Variants in MYO10 observed in about 807,000 individuals in gnomAD.
The protein encoded by MYO10 is unconventional myosin-X.
A neutral mutation model predicts 257.3 loss-of-function variants in MYO10; 133 were observed. The ratio of observed to expected loss-of-function variants is 0.52; its 90% confidence interval spans 0.45 to 0.60. The LOEUF is 0.60. MYO10 is among the 20% of genes least tolerant of loss of function. MYO10 has a pLI of 0.00. For synonymous variants in MYO10, 1,104 were observed against 1,028.6 expected, an observed-to-expected ratio of 1.07 and a Z score of -1.40; for missense variants, 2,399 against 2,635.7, an observed-to-expected ratio of 0.91 and a Z score of 1.97.
At chr5:16,672,942 T>G (rs1220110541) in intron 36 of MYO10, 117 bp from the exon 37 acceptor site, 1 of 1,207,944 alleles carries the variant, frequency 8.3e-7, no homozygotes, top group East Asian at 2.6e-5. Context: ...GTCTCCAGCC[T>G]CCTAAAAATG....
intron 4 of MYO10, among the ~76,000 whole-genome samples, chr5:16,791,545 T>TACACACACACACACATAC (rs1553996575): frequency 8.4e-5 from 3 of 35,604 alleles, no homozygotes; most frequent in Admixed American, 8.0e-4. Context: ...AATACATACA[T>TACACACACACACACATAC]ACACACACAC....
chr5:16,818,362 ATGTGTGTGTGTGTGTG>A (rs35397872), intron 2 of MYO10, among the ~76,000 whole-genome samples, 195 bp from the exon 3 acceptor site: 6 of 136,750 alleles, frequency 4.4e-5, no homozygotes, highest in Non-Finnish European at 9.2e-5. Context: ...GTGTGTATGT[ATGTGTGTGTGTGTGTG>A]TGCGTGTGTG....
intron 2 of MYO10, among the ~76,000 whole-genome samples, chr5:16,825,902 T>C (rs1046952808): frequency 6.6e-6 from 1 of 152,038 alleles, no homozygotes; most frequent in African/African-American, 2.4e-5. Context: ...TCCAGCACTT[T>C]CGGAAGCCAA....
chr5:16,710,065 A>G (rs1287517917), intron 21 of MYO10, among the ~76,000 whole-genome samples: 3 of 152,192 alleles, frequency 2.0e-5, no homozygotes, highest in Admixed American at 6.5e-5. Flanking sequence ...TAGATTAAAA[A>G]CAGCATATTA....
rs190526402 is a variant in MYO10, at chr5:16,745,296, C to G, written c.1929+9532G>C. The stretch of plus-strand genomic sequence containing the variant: ...GGTGGAGGTTGCAGTGAGCCAAGAT[C>G]GTGCCACTGCACTCCAGCCTGGACC... On this transcript the variant is annotated intron_variant, in intron 19 of 40. Transcript: ENST00000513610. 1.3e-3 allele frequency among the ~76,000 whole-genome samples: 202 copies of G among 152,232 alleles called. 2 individuals are homozygous for G. The highest frequency in any genetic ancestry group is 5.6e-3 in the Admixed American group (86 of 15,292).
chr5:16,934,599 G>A (rs757715536), intron 1 of MYO10, among the ~76,000 whole-genome samples: 16 of 152,126 alleles, frequency 1.1e-4, no homozygotes, highest in Non-Finnish European at 1.8e-4. Flanking sequence ...TTAAGAAAAG[G>A]AAAAATATGT....
intron 30 of MYO10, among the ~76,000 whole-genome samples, chr5:16,682,528 G>C (rs976408983): frequency 6.6e-6 from 1 of 152,212 alleles, no homozygotes; most frequent in East Asian, 1.9e-4. Flanking sequence ...GCATTTCCTA[G>C]TCACGGATAA....
Position 16,927,719 on chromosome 5 carries a change from T to C in MYO10, c.21+8069A>G, listed in dbSNP as rs139765697. On this transcript the variant is annotated intron_variant, in intron 1 of 40. Coordinates refer to ENST00000513610, the MANE Select transcript of MYO10 (RefSeq NM_012334.3). The stretch of plus-strand genomic sequence containing the variant: ...GACTGGGTGAAGGTAGAGCTATTAG[T>C]TGGACAATTCCCATATGTTTCTCCC... Among the ~76,000 whole-genome samples the C allele has an allele frequency of 6.1e-3, 933 of 152,304 alleles. 9 individuals are homozygous for C. The highest frequency in any genetic ancestry group is 0.027 in the Middle Eastern group (8 of 294).
intron 2 of MYO10, among the ~76,000 whole-genome samples, chr5:16,869,647 C>T (rs1744393763): frequency 6.6e-6 from 1 of 151,624 alleles, no homozygotes; most frequent in African/African-American, 2.4e-5. Context: ...GGTGGATCAC[C>T]TGAGGTCAGG....
chr5:16,713,483 C>T (rs1017193536), intron 19 of MYO10: 40 of 985,646 alleles, frequency 4.1e-5, no homozygotes, highest in Non-Finnish European at 4.8e-5. Context: ...AGTGCCCGGT[C>T]GCCATGACAA....
intron 38 of MYO10, among the ~76,000 whole-genome samples, 194 bp downstream of exon 38, chr5:16,671,228 G>A (rs1736444398): frequency 6.6e-6 from 1 of 152,130 alleles, no homozygotes; most frequent in African/African-American, 2.4e-5. Context: ...AACAGTCCCT[G>A]GAACGGAGGT....
chr5:16,863,222 C>G (rs1486039255), intron 2 of MYO10, among the ~76,000 whole-genome samples: 2 of 152,232 alleles, frequency 1.3e-5, no homozygotes, highest in African/African-American at 2.4e-5. Context: ...CATGTGCATT[C>G]GGCTAGAACC....
At position 16,665,517 on chromosome 5, in the gene MYO10, C is replaced by T. The variant is rs1736123592; in HGVS notation, c.*1175G>A. 1 of 152,168 alleles carries T rather than the reference C, an allele frequency of 6.6e-6. No homozygotes were observed. The highest frequency in any genetic ancestry group is 2.1e-4 in the South Asian group (1 of 4,826). The allele number at this position is 152,168 out of a possible 1,614,324, so 9.4% of individuals were successfully genotyped here. A position where few individuals can be genotyped will look rare whatever the true frequency, so the allele number is the denominator to read the frequency against. On this transcript the variant is annotated 3_prime_UTR_variant, in exon 41 of 41. Coordinates refer to ENST00000513610, the MANE Select transcript of MYO10 (RefSeq NM_012334.3). ...TTTATTTACAGGTGCCTTGTTCAGA[C>T]CACCATTATAAACTTGGGATAAAAT...
At chr5:16,832,511 A>G (rs1454308585) in intron 2 of MYO10, among the ~76,000 whole-genome samples, 1 of 152,204 alleles carries the variant, frequency 6.6e-6, no homozygotes, top group African/African-American at 2.4e-5. Context: ...GGTTTTAAAC[A>G]TAGTAAGTTT....
intron 1 of MYO10, among the ~76,000 whole-genome samples, chr5:16,902,035 CTTTTA>C (rs1745392379): frequency 6.6e-6 from 1 of 152,084 alleles, no homozygotes; most frequent in African/African-American, 2.4e-5. Flanking sequence ...ATGTTCTTAC[CTTTTA>C]TTTTCTTTAT....
At position 16,810,855 on chromosome 5, in the gene MYO10, G is replaced by A. The variant is rs1300996025; in HGVS notation, c.279+7154C>T. Among the ~76,000 whole-genome samples the A allele has an allele frequency of 2.0e-5, 3 of 152,114 alleles. No homozygotes were observed. In the East Asian group the frequency reaches 5.8e-4, roughly 30 times the overall value. ...AGAGGCCAAGGCGGGTGGATCTCCCGAGGTCAGTTCGAGACCAGCCTGGCC... is the reference window on the plus strand; with the variant it reads ...AGAGGCCAAGGCGGGTGGATCTCCCAAGGTCAGTTCGAGACCAGCCTGGCC... On this transcript the variant is annotated intron_variant, in intron 3 of 40. Transcript: ENST00000513610.
chr5:16,901,243 A>G (rs1463023939), intron 1 of MYO10, among the ~76,000 whole-genome samples: 4 of 151,614 alleles, frequency 2.6e-5, no homozygotes, highest in Non-Finnish European at 4.4e-5. Context: ...ATTCACATAC[A>G]TTACCTCCTC....
chr5:16,791,752 T>C (rs150433055), intron 4 of MYO10, among the ~76,000 whole-genome samples: 78 of 152,344 alleles, frequency 5.1e-4, no homozygotes, highest in Middle Eastern at 3.4e-3. Context: ...ATTGTTTTCT[T>C]CCCTTCTGTT....
intron 9 of MYO10, among the ~76,000 whole-genome samples, chr5:16,778,038 G>A (rs1741275478): frequency 6.6e-6 from 1 of 151,670 alleles, no homozygotes; most frequent in Non-Finnish European, 1.5e-5. Flanking sequence ...TTTTAGCAGT[G>A]ACGGGGTTTC....
Sources: allele counts gnomAD v4.1 joint callset (sites outside exome capture counted in the v4.1 genomes callset), GRCh38; gene constraint gnomAD v4.1.1; transcripts MANE v1.5; gene names NCBI Gene and HGNC (gene_info 2026-07-23, HGNC 2026-07-21).